The following PTPN1 variants were observed in gnomAD, a reference collection of about 807,000 sequenced individuals.
PTPN1 encodes the protein tyrosine-protein phosphatase non-receptor type 1.
Under a neutral mutation model 59.9 loss-of-function variants are expected in PTPN1, and 12 were observed. The ratio of observed to expected loss-of-function variants is 0.20; its 90% confidence interval spans 0.13 to 0.32. PTPN1 has a LOEUF of 0.32. Ranked by LOEUF, PTPN1 falls within the 10% of genes least tolerant of loss-of-function variation. The pLI is 1.00. For missense variants in PTPN1, 356 were observed against 549.2 expected (o/e 0.65, Z 3.52); for synonymous variants, 178 against 203.6 (o/e 0.87, Z 1.07).
intron 1 of PTPN1, among the ~76,000 whole-genome samples, chr20:50,542,642 T>A (rs967181538): frequency 1.3e-5 from 2 of 152,344 alleles, no homozygotes; most frequent in South Asian, 2.1e-4. Flanking sequence ...CCGGATCTGT[T>A]TCTAGCAATA....
intron 3 of PTPN1, among the ~76,000 whole-genome samples, chr20:50,566,377 A>C (rs931966208): frequency 6.6e-6 from 1 of 152,194 alleles, no homozygotes; most frequent in African/African-American, 2.4e-5. Flanking sequence ...GCAAATGACC[A>C]TGTATCCTTG....
Position 50,543,914 on chromosome 20 carries a change from C to T in PTPN1, c.64-17449C>T, listed in dbSNP as rs565088685. On this transcript the variant is annotated intron_variant, in intron 1 of 9. Transcript: ENST00000371621. ...AGGCTGGAGTGCAATGGTGCAATCT[C>T]GGCTCGCTACAACCTCCGCTTCCTG... Among the ~76,000 whole-genome samples the T allele has an allele frequency of 7.2e-5, 11 of 152,048 alleles. No individual in the cohort carries two copies. The South Asian group carries it at 1.5e-3, about 20-fold the overall frequency.
chr20:50,570,316 T>C (rs564790119), intron 4 of PTPN1, among the ~76,000 whole-genome samples: 1 of 152,180 alleles, frequency 6.6e-6, no homozygotes, highest in South Asian at 2.1e-4. Context: ...TGTTTTGGGG[T>C]TGGGGTTTTT....
At chr20:50,580,625 C>A (rs1443600365) in intron 8 of PTPN1, among the ~76,000 whole-genome samples, 1 of 152,184 alleles carries the variant, frequency 6.6e-6, no homozygotes, top group East Asian at 1.9e-4. Context: ...TGACTGCCGG[C>A]TGTGCCCTTG....
At chr20:50,547,213 G>A (rs887083617) in intron 1 of PTPN1, among the ~76,000 whole-genome samples, 2 of 151,948 alleles carry the variant, frequency 1.3e-5, no homozygotes, top group African/African-American at 2.4e-5. Flanking sequence ...ATTTAAAGTC[G>A]GGACACTTGA....
rs2082501803 is a variant in PTPN1, at chr20:50,510,545, G to A, written c.18G>A (p.Glu6=). 5 of 1,551,172 alleles carry A rather than the reference G, an allele frequency of 3.2e-6. No individual in the cohort carries two copies. Among genetic ancestry groups the A allele is most frequent in the Non-Finnish European group, 4.4e-6 (5 of 1,146,736 alleles). ...GGCCCGTCATGGAGATGGAAAAGGA[G>A]TTCGAGCAGATCGACAAGTCCGGGA... is the stretch of plus-strand genomic sequence containing the variant. MEMEK[E]FEQIDKSGSW... is the part of the protein sequence containing the mutation. The change falls in exon 1 of 10, where the codon GAG becomes GAA. Residue 6 remains glutamate (E), a synonymous_variant. Transcript: ENST00000371621.
rs2082531478 is a variant in PTPN1 at position 50,516,930 on chromosome 20, GAAA to G, written c.63+6341_63+6343del. Among the ~76,000 whole-genome samples the G allele has an allele frequency of 2.6e-5, 4 of 152,190 alleles. No individual in the cohort carries two copies. The South Asian group carries it at 8.3e-4, about 31-fold the overall frequency. ...TTTACACATCTGCCATATTTGAGAA[GAAA>G]GTACCTAAGTCTCCAGCATTTTAGA... On this transcript the variant is annotated intron_variant, in intron 1 of 9. Coordinates refer to ENST00000371621, the MANE Select transcript of PTPN1 (RefSeq NM_002827.4).
At chr20:50,525,240 T>G (rs774717498) in intron 1 of PTPN1, among the ~76,000 whole-genome samples, 2 of 152,196 alleles carry the variant, frequency 1.3e-5, no homozygotes, top group Non-Finnish European at 2.9e-5. Context: ...TTGTTATTTT[T>G]AATAGAGACA....
chr20:50,557,234 T>C (rs2082729985), intron 1 of PTPN1, among the ~76,000 whole-genome samples: 1 of 152,136 alleles, frequency 6.6e-6, no homozygotes, highest in African/African-American at 2.4e-5. Context: ...ATAAATTCTT[T>C]TTATTATTTT....
chr20:50,513,324 G>A (rs1568770576), intron 1 of PTPN1, among the ~76,000 whole-genome samples: 2 of 152,138 alleles, frequency 1.3e-5, no homozygotes, highest in Admixed American at 1.3e-4. Flanking sequence ...TTGCTTGATT[G>A]GGCCTAGCTG....
chr20:50,542,144 C>T (rs904243971), intron 1 of PTPN1, among the ~76,000 whole-genome samples: 3 of 152,226 alleles, frequency 2.0e-5, no homozygotes, highest in African/African-American at 7.2e-5. Context: ...GGTCTTCACT[C>T]TGAAGGTGAT....
rs2082827102 is a variant in PTPN1, at chr20:50,574,628, C to A, written c.466C>A (p.Arg156=). The A allele has an allele frequency of 1.2e-6, 2 of 1,604,304 alleles. No individual in the cohort carries two copies. The highest frequency in any genetic ancestry group is 1.7e-6 in the Non-Finnish European group (2 of 1,176,964). Residue 156 remains arginine (R), a synonymous_variant, in exon 5 of 10, where the codon CGA becomes AGA. Coordinates refer to ENST00000371621, the MANE Select transcript of PTPN1 (RefSeq NM_002827.4). ...AGATATCAAGTCATATTATACAGTGCGACAGCTAGAATTGGAAAACCTTAC... is the reference window on the plus strand; with the variant it reads ...AGATATCAAGTCATATTATACAGTGAGACAGCTAGAATTGGAAAACCTTAC... The part of the protein sequence containing the change: ...SEDIKSYYTV[R]QLELENLTTQ...
chr20:50,571,281 T>A (rs2082807206), intron 4 of PTPN1: 1 of 152,268 alleles, frequency 6.6e-6, no homozygotes, highest in Admixed American at 6.5e-5. Context: ...TGTAGTTTAC[T>A]GTGATAACTG....
intron 1 of PTPN1, among the ~76,000 whole-genome samples, chr20:50,555,272 A>G (rs924247170): frequency 7.2e-5 from 11 of 152,246 alleles, no homozygotes; most frequent in African/African-American, 9.6e-5. Context: ...AAAACAGAGA[A>G]TTCAAAGGAG....
intron 1 of PTPN1, among the ~76,000 whole-genome samples, chr20:50,546,707 G>C (rs1374744422): frequency 6.6e-6 from 1 of 152,182 alleles, no homozygotes; most frequent in Non-Finnish European, 1.5e-5. Context: ...TATCATCCTA[G>C]TTTTGTGAGG....
At chr20:50,516,179 A>G (rs1321341831) in intron 1 of PTPN1, among the ~76,000 whole-genome samples, 1 of 152,090 alleles carries the variant, frequency 6.6e-6, no homozygotes, top group Non-Finnish European at 1.5e-5. Flanking sequence ...ATTTTGGGAT[A>G]TAAAATATAG....
At chr20:50,579,435 A>G (rs2082854237) in intron 7 of PTPN1, 106 bp downstream of exon 7, 2 of 1,290,008 alleles carry the variant, frequency 1.6e-6, no homozygotes, top group Non-Finnish European at 1.1e-6. Flanking sequence ...TGTCAGGGGA[A>G]ATAGCTACCC....
In PTPN1 at chr20:50,584,067, AT is replaced by A. The variant is rs1304673036; in HGVS notation, c.*1353del. 3.3e-5 allele frequency: 5 copies of A among 152,648 alleles called. No homozygotes were observed. Among genetic ancestry groups the A allele is most frequent in the African/African-American group, 7.2e-5 (3 of 41,460 alleles). 9.5% of individuals were successfully genotyped at this position (152,648 alleles called of 1,614,324 possible). On this transcript the variant is annotated 3_prime_UTR_variant, in exon 10 of 10. Transcript: ENST00000371621. ...CCACCCTCAAACCCTGTGGGGCCTGATGGTGCTCACGACTCTTCCTGCAAAG... is the reference window on the plus strand; with the variant it reads ...CCACCCTCAAACCCTGTGGGGCCTGAGGTGCTCACGACTCTTCCTGCAAAG...
At chr20:50,520,163 G>A (rs1396097542) in intron 1 of PTPN1, among the ~76,000 whole-genome samples, 8 of 152,050 alleles carry the variant, frequency 5.3e-5, no homozygotes, top group Non-Finnish European at 8.8e-5. Flanking sequence ...CTTGAGGTCC[G>A]GAGTTCAGGA....
Sources: allele counts gnomAD v4.1 joint callset (sites outside exome capture counted in the v4.1 genomes callset), GRCh38; gene constraint gnomAD v4.1.1; transcripts MANE v1.5; gene names NCBI Gene and HGNC (gene_info 2026-07-23, HGNC 2026-07-21).